The following OSBPL10 variants were observed in gnomAD, a reference collection of about 807,000 sequenced individuals.
The protein encoded by OSBPL10 is oxysterol binding protein like 10, also known as oxysterol-binding protein-related protein 10.
OSBPL10 carries 49 observed loss-of-function variants against 81.7 expected under a neutral mutation model. That is an observed-to-expected ratio of 0.60 (90% CI 0.48 to 0.76). The LOEUF is 0.76. Among genes scored for constraint, OSBPL10 ranks in the 30% least tolerant of loss-of-function variants. OSBPL10 has a pLI of 0.00. For missense variants in OSBPL10, 923 were observed against 987.8 expected, an observed-to-expected ratio of 0.93 and a Z score of 0.88; for synonymous variants, 419 against 383.6, an observed-to-expected ratio of 1.09 and a Z score of -1.08.
rs564844842 is a variant in OSBPL10 at position 31,686,351 on chromosome 3, A to G, written c.1246-2237T>C. On this transcript the variant is annotated intron_variant, in intron 7 of 11. Coordinates refer to ENST00000396556, the MANE Select transcript of OSBPL10 (RefSeq NM_017784.5). Reference sequence around the variant, plus strand: ...ACAGAAATTTCAGAGGAAACTAGAAAAAGCCCCATCTGCTAGAGAGGTAAA... The same window carrying G: ...ACAGAAATTTCAGAGGAAACTAGAAGAAGCCCCATCTGCTAGAGAGGTAAA... Among the ~76,000 whole-genome samples, 373 of 152,344 alleles carry G rather than the reference A, an allele frequency of 2.4e-3. 1 individual carries two copies. The highest frequency in any genetic ancestry group is 3.9e-3 in the Non-Finnish European group (263 of 68,024).
chr3:31,922,049 C>T (rs1042520764), intron 1 of OSBPL10, among the ~76,000 whole-genome samples: 5 of 152,224 alleles, frequency 3.3e-5, no homozygotes, highest in South Asian at 2.1e-4. Context: ...TCAAAAACAA[C>T]GGAATTGTGA....
chr3:31,778,115 G>A (rs567258167), intron 4 of OSBPL10, among the ~76,000 whole-genome samples: 28 of 152,242 alleles, frequency 1.8e-4, no homozygotes, highest in Non-Finnish European at 3.7e-4. Context: ...AGCCATGGTT[G>A]CTTTCTCAGT....
chr3:31,847,587 G>A (rs762690272), intron 3 of OSBPL10, among the ~76,000 whole-genome samples: 1 of 152,066 alleles, frequency 6.6e-6, no homozygotes, highest in Non-Finnish European at 1.5e-5. Flanking sequence ...CCATATCTGT[G>A]TTGACTCCCA....
intron 3 of OSBPL10, among the ~76,000 whole-genome samples, chr3:31,835,645 GA>G (rs779135145): frequency 6.6e-6 from 1 of 151,810 alleles, no homozygotes; most frequent in East Asian, 1.9e-4. Flanking sequence ...CTATATTTCA[GA>G]AAAAAATAGC....
intron 11 of OSBPL10, 112 bp from the exon 12 acceptor site, chr3:31,662,228 C>A (rs558816251): frequency 6.4e-7 from 1 of 1,559,812 alleles, no homozygotes; most frequent in Non-Finnish European, 8.7e-7. Flanking sequence ...ATACCTCACA[C>A]GCAGGCCAGG....
chr3:31,935,573 G>A (rs13064827), intron 1 of OSBPL10, among the ~76,000 whole-genome samples: 31,499 of 150,908 alleles, frequency 0.21, 3,855 homozygotes, highest in Non-Finnish European at 0.28. Context: ...GCCCAGGCTG[G>A]AGTGCAGTGG....
At chr3:31,928,721 C>T (rs1275662657) in intron 1 of OSBPL10, among the ~76,000 whole-genome samples, 1 of 145,902 alleles carries the variant, frequency 6.9e-6, no homozygotes, top group Non-Finnish European at 1.5e-5. Flanking sequence ...CAGAGGTTGC[C>T]GCCACTGCAC....
At chr3:31,944,255 TAA>T (rs893405122) in intron 1 of OSBPL10, among the ~76,000 whole-genome samples, 15 of 152,124 alleles carry the variant, frequency 9.9e-5, no homozygotes, top group Non-Finnish European at 2.1e-4. Context: ...TTGTCTTCCA[TAA>T]AAGTCATACC....
chr3:31,683,670 T>C lies in OSBPL10; in HGVS notation c.1690A>G (p.Met564Val). The part of the protein sequence containing the change: ...NTHVWTKSKF[M>V]GMSVGVSMIG... The stretch of plus-strand genomic sequence containing the variant: ...ATAGAGACCCCCACGGACATGCCCA[T>C]GAACTTGCTTTTGGTCCATACATGA... Residue 564 changes from methionine to valine, a missense_variant, in exon 8 of 12, where the codon ATG becomes GTG. Physicochemically the swap from Met to Val is conservative, Grantham distance 21. Transcript: ENST00000396556. The C allele has an allele frequency of 6.2e-7, 1 of 1,613,848 alleles. No homozygotes were observed. Among genetic ancestry groups the C allele is most frequent in the Non-Finnish European group, 8.5e-7 (1 of 1,179,750 alleles).
At chr3:31,750,177 G>A (rs893507596) in intron 4 of OSBPL10, among the ~76,000 whole-genome samples, 1 of 151,892 alleles carries the variant, frequency 6.6e-6, no homozygotes, top group Non-Finnish European at 1.5e-5. Context: ...GCAAGACTCA[G>A]TCTCCAAAAA....
In OSBPL10 at chr3:32,033,393, A is replaced by C. The variant is rs544515279; in HGVS notation, n.298+13098T>G. Among the ~76,000 whole-genome samples the C allele has an allele frequency of 2.2e-3, 342 of 152,332 alleles. 1 individual carries two copies. The highest frequency in any genetic ancestry group is 7.6e-3 in the African/African-American group (314 of 41,584). Reference sequence around the variant, plus strand: ...GTCCTAAGATTAGGAATTTAATTATAAAGTAGCTGGCACCTAGAAGGCACT... The same window carrying C: ...GTCCTAAGATTAGGAATTTAATTATCAAGTAGCTGGCACCTAGAAGGCACT... On this transcript the variant is annotated intron_variant and non_coding_transcript_variant, in intron 2 of 3. Coordinates refer to the OSBPL10 transcript ENST00000479173.
At chr3:31,840,160 T>A (rs1447309204) in intron 3 of OSBPL10, among the ~76,000 whole-genome samples, 1 of 152,044 alleles carries the variant, frequency 6.6e-6, no homozygotes, top group African/African-American at 2.4e-5. Flanking sequence ...GCTGAGGAAT[T>A]CTATAAATGA....
At chr3:32,044,748 A>G in intron 2 of OSBPL10, among the ~76,000 whole-genome samples, 1 of 151,232 alleles carries the variant, frequency 6.6e-6, no homozygotes, top group African/African-American at 2.4e-5. Flanking sequence ...TCTCAAAAAA[A>G]AAAAAAAAAA....
intron 5 of OSBPL10, among the ~76,000 whole-genome samples, chr3:31,742,095 A>G (rs183644841): frequency 2.0e-5 from 3 of 152,386 alleles, no homozygotes; most frequent in African/African-American, 7.2e-5. Flanking sequence ...TAATCATAAA[A>G]TAAGGAAAGG....
chr3:32,036,122 G>A (rs781556765), intron 2 of OSBPL10, among the ~76,000 whole-genome samples: 4 of 152,098 alleles, frequency 2.6e-5, no homozygotes, highest in Non-Finnish European at 4.4e-5. Flanking sequence ...TTCCTAGATC[G>A]CTGCAGCCTC....
intron 3 of OSBPL10, among the ~76,000 whole-genome samples, chr3:31,847,831 G>A (rs143600209): frequency 6.6e-6 from 1 of 152,206 alleles, no homozygotes; most frequent in Non-Finnish European, 1.5e-5. Flanking sequence ...ACCTTCCAAG[G>A]CTGGAGGATC....
At chr3:32,017,264 A>T (rs1193231045) in intron 2 of OSBPL10, among the ~76,000 whole-genome samples, 1 of 152,228 alleles carries the variant, frequency 6.6e-6, no homozygotes, top group Non-Finnish European at 1.5e-5. Context: ...AGAAGTTAAA[A>T]AGCTTTCCAA....
chr3:31,702,433 C>A lies in OSBPL10; in HGVS notation c.1171G>T (p.Gly391Cys), dbSNP rs2125593015. The change falls in exon 7 of 12, where the codon GGC (glycine) becomes TGC (cysteine). Residue 391 changes from glycine to cysteine, a missense_variant. Transcript: ENST00000396556. The part of the protein sequence containing the change: ...DNEDKEETEL[G>C]VMEDQRSIIL... ...ATACTACGCTGATCCTCCATGACGC[C>A]CAATTCCGTCTCTTCCTTATCTTCA... The A allele has an allele frequency of 6.2e-7, 1 of 1,614,178 alleles. No homozygotes were observed. Among genetic ancestry groups the A allele is most frequent in the East Asian group, 2.2e-5 (1 of 44,894 alleles).
At chr3:32,019,358 T>C (rs1699342010) in intron 2 of OSBPL10, among the ~76,000 whole-genome samples, 1 of 152,226 alleles carries the variant, frequency 6.6e-6, no homozygotes, top group African/African-American at 2.4e-5. Context: ...AAATAAGGCA[T>C]CATTCCTTAC....
Sources: allele counts gnomAD v4.1 joint callset (sites outside exome capture counted in the v4.1 genomes callset), GRCh38; gene constraint gnomAD v4.1.1; transcripts MANE v1.5; gene names NCBI Gene and HGNC (gene_info 2026-07-23, HGNC 2026-07-21).